Variants in NKAIN3 observed in about 807,000 individuals in gnomAD.
The protein encoded by NKAIN3 is sodium/potassium-transporting ATPase subunit beta-1-interacting protein 3.
Under a neutral mutation model 30.2 loss-of-function variants are expected in NKAIN3, and 25 were observed. The observed-to-expected ratio is 0.83, with a 90% CI of 0.60 to 1.16. The LOEUF (loss-of-function observed/expected upper bound fraction) is 1.16, where lower values mean the gene tolerates loss of function less well. Ranked by LOEUF, NKAIN3 falls within the 50% of genes most tolerant of loss-of-function variation. The probability of loss-of-function intolerance (pLI) is 0.00; values close to 1 mark genes in which losing one functional copy is unlikely to be tolerated. For synonymous variants in NKAIN3, 91 were observed against 89.6 expected, an observed-to-expected ratio of 1.02 and a Z score of -0.09; for missense variants, 225 against 254.1, an observed-to-expected ratio of 0.89 and a Z score of 0.78.
chr8:62,855,584 T>C (rs1318630197), intron 4 of NKAIN3: 1 of 1,588,390 alleles, frequency 6.3e-7, no homozygotes, highest in African/African-American at 1.3e-5. Flanking sequence ...TGCTTCAACC[T>C]TGGGCAATGT....
intron 1 of NKAIN3, among the ~76,000 whole-genome samples, chr8:62,346,902 A>T (rs2129591475): frequency 6.6e-6 from 1 of 152,268 alleles, no homozygotes; most frequent in East Asian, 1.9e-4. Context: ...AATGAATGAC[A>T]TAACATCCCC....
chr8:62,721,645 T>G (rs1401566147), intron 3 of NKAIN3, among the ~76,000 whole-genome samples: 2 of 152,206 alleles, frequency 1.3e-5, no homozygotes, highest in African/African-American at 4.8e-5. Context: ...GCCTTTGTAT[T>G]GTAGATATGA....
At chr8:62,668,007 T>A (rs562090178) in intron 3 of NKAIN3, among the ~76,000 whole-genome samples, 1 of 152,208 alleles carries the variant, frequency 6.6e-6, no homozygotes, top group African/African-American at 2.4e-5. Flanking sequence ...CCCATTCACA[T>A]AATCCAGATT....
chr8:62,980,332 T>C lies in NKAIN3; in HGVS notation c.*14925T>C, dbSNP rs1004068301. 1 of 152,226 alleles carries C rather than the reference T, an allele frequency of 6.6e-6. No homozygotes were observed. Among genetic ancestry groups the C allele is most frequent in the Non-Finnish European group, 1.5e-5 (1 of 68,052 alleles). 9.4% of individuals were successfully genotyped at this position (152,226 alleles called of 1,614,324 possible). On this transcript the variant is annotated 3_prime_UTR_variant, in exon 7 of 7. Transcript: ENST00000623646. ...AAAGGGGATTGCTCTTTTCTCCTTC[T>C]GGTTTCTCAAATCTACTTTTAACTT...
intron 1 of NKAIN3, among the ~76,000 whole-genome samples, chr8:62,514,184 T>C (rs536380036): frequency 6.6e-6 from 1 of 152,242 alleles, no homozygotes; most frequent in Non-Finnish European, 1.5e-5. Context: ...CATTATGTCT[T>C]CAAAGCTGCA....
At chr8:62,493,687 T>C (rs1311088748) in intron 1 of NKAIN3, among the ~76,000 whole-genome samples, 2 of 152,086 alleles carry the variant, frequency 1.3e-5, no homozygotes, top group Admixed American at 6.6e-5. Context: ...TTGTGTCATC[T>C]CCATCTCTGA....
chr8:62,647,280 A>T (rs1812491030), intron 3 of NKAIN3, among the ~76,000 whole-genome samples: 1 of 152,200 alleles, frequency 6.6e-6, no homozygotes. Flanking sequence ...TTGAGAGAAA[A>T]TAGTAAATGT....
chr8:62,354,644 T>C (rs1366003623), intron 1 of NKAIN3, among the ~76,000 whole-genome samples: 2 of 152,146 alleles, frequency 1.3e-5, no homozygotes, highest in Non-Finnish European at 1.5e-5. Context: ...GGTTTCACCA[T>C]GTTGGCCAGG....
At chr8:62,838,005 A>C (rs2130754995) in intron 4 of NKAIN3, among the ~76,000 whole-genome samples, 1 of 152,162 alleles carries the variant, frequency 6.6e-6, no homozygotes. Context: ...AAGTAAGGAT[A>C]AACTCTTTTA....
intron 1 of NKAIN3, among the ~76,000 whole-genome samples, chr8:62,326,628 T>A (rs1585683633): frequency 1.3e-5 from 2 of 152,044 alleles, no homozygotes; most frequent in East Asian, 3.9e-4. Context: ...TAAATTCAGA[T>A]GAAGTTGGTT....
At chr8:62,464,010 G>T (rs1027842020) in intron 1 of NKAIN3, among the ~76,000 whole-genome samples, 1 of 152,216 alleles carries the variant, frequency 6.6e-6, no homozygotes, top group Non-Finnish European at 1.5e-5. Flanking sequence ...GATATTCCTA[G>T]GACATAAAGA....
chr8:62,461,723 A>G (rs1286368008), intron 1 of NKAIN3, among the ~76,000 whole-genome samples: 1 of 152,194 alleles, frequency 6.6e-6, no homozygotes, highest in African/African-American at 2.4e-5. Flanking sequence ...AGAAGAAAGA[A>G]TCACCAGCCA....
chr8:62,938,307 A>C (rs1822850406), intron 5 of NKAIN3, among the ~76,000 whole-genome samples: 1 of 151,982 alleles, frequency 6.6e-6, no homozygotes, highest in Non-Finnish European at 1.5e-5. Flanking sequence ...ACCATAAAAG[A>C]ACAACTCATA....
chr8:62,486,310 T>A (rs760211727), intron 1 of NKAIN3, among the ~76,000 whole-genome samples: 12 of 152,128 alleles, frequency 7.9e-5, no homozygotes, highest in Non-Finnish European at 1.2e-4. Flanking sequence ...ACCCTTAGTA[T>A]GTTGGTGTCT....
chr8:62,959,036 A>G (rs1823496519), intron 6 of NKAIN3, among the ~76,000 whole-genome samples: 1 of 152,148 alleles, frequency 6.6e-6, no homozygotes, highest in Admixed American at 6.6e-5. Flanking sequence ...CCAAAGGAAA[A>G]CTTGTTTTCT....
chr8:62,673,145 C>T lies in NKAIN3; in HGVS notation c.274-73787C>T, dbSNP rs116153123. ...CAACTCCATCTTTGTCTGATTCCAG[C>T]GTCAGAGGTCTATGCATGTAAACAC... On this transcript the variant is annotated intron_variant, in intron 3 of 6. Transcript: ENST00000623646. Among the ~76,000 whole-genome samples the T allele has an allele frequency of 1.1e-3, 170 of 152,260 alleles. 1 individual carries two copies. The highest frequency in any genetic ancestry group is 3.8e-3 in the African/African-American group (156 of 41,566).
chr8:62,407,707 A>G (rs1441739873), intron 1 of NKAIN3, among the ~76,000 whole-genome samples: 1 of 152,228 alleles, frequency 6.6e-6, no homozygotes, highest in Non-Finnish European at 1.5e-5. Context: ...CTGGGATTAC[A>G]GGCGTGAGCC....
chr8:62,429,501 A>C (rs1198506573), intron 1 of NKAIN3, among the ~76,000 whole-genome samples: 1 of 151,936 alleles, frequency 6.6e-6, no homozygotes, highest in Admixed American at 6.6e-5. Flanking sequence ...TATTGACTTC[A>C]GTTTGCTGAG....
At chr8:62,445,418 C>A (rs569463438) in intron 1 of NKAIN3, among the ~76,000 whole-genome samples, 2 of 151,720 alleles carry the variant, frequency 1.3e-5, no homozygotes, top group Non-Finnish European at 2.9e-5. Context: ...TTATATTATA[C>A]CCATTTTTCT....
Sources: gnomAD v4.1 joint callset for allele counts (sites outside exome capture counted in the v4.1 genomes callset) on GRCh38, gnomAD v4.1.1 for gene constraint, MANE v1.5 for transcripts, NCBI Gene and HGNC (gene_info 2026-07-23, HGNC 2026-07-21) for gene names.